The following RBKS variants were observed in gnomAD, a reference collection of about 807,000 sequenced individuals.
RBKS encodes the protein ribokinase.
Under a neutral mutation model 33.9 loss-of-function variants are expected in RBKS, and 33 were observed. The observed-to-expected ratio is 0.97, with a 90% CI of 0.74 to 1.30. The LOEUF (loss-of-function observed/expected upper bound fraction) is 1.30, where lower values mean the gene tolerates loss of function less well. RBKS is among the 50% of genes most tolerant of loss of function. The pLI, the probability that RBKS is intolerant of heterozygous loss-of-function variation, is 0.00. For missense variants in RBKS, 361 were observed against 392.6 expected, an observed-to-expected ratio of 0.92 and a Z score of 0.68; for synonymous variants, 125 against 143.0, an observed-to-expected ratio of 0.87 and a Z score of 0.90.
At chr2:27,806,651 T>C (rs1303958886) in intron 7 of RBKS, among the ~76,000 whole-genome samples, 2 of 152,248 alleles carry the variant, frequency 1.3e-5, no homozygotes, top group Non-Finnish European at 2.9e-5. Context: ...GGGGAGGCCA[T>C]AAATGTATTC....
chr2:27,818,051 A>G (rs566608968), intron 7 of RBKS, among the ~76,000 whole-genome samples: 17 of 152,188 alleles, frequency 1.1e-4, no homozygotes, highest in Non-Finnish European at 2.2e-4. Context: ...ATCATGGTGC[A>G]TTATACTAAT....
At chr2:27,882,112 G>T (rs931719169) in intron 1 of RBKS, among the ~76,000 whole-genome samples, 1 of 151,952 alleles carries the variant, frequency 6.6e-6, no homozygotes, top group Non-Finnish European at 1.5e-5. Context: ...TACAGTAAAA[G>T]AAACTATTGA....
Position 27,867,336 on chromosome 2 carries a change from GAT to G in RBKS, c.90-8767_90-8766del, listed in dbSNP as rs1223241916. ...TATATTATAGAAAGTTGAGAAGACA[GAT>G]GCCTAGGTACATAATAAATAATACA... is the stretch of plus-strand genomic sequence containing the variant. On this transcript the variant is annotated intron_variant, in intron 1 of 7. Transcript: ENST00000302188. Among the ~76,000 whole-genome samples, 3 of 152,222 alleles carry G rather than the reference GAT, an allele frequency of 2.0e-5. No homozygotes were observed. In the South Asian group the frequency reaches 6.2e-4, roughly 32 times the overall value.
chr2:27,861,673 G>GGGGC, intron 1 of RBKS: 1 of 412,558 alleles, frequency 2.4e-6, no homozygotes, highest in Non-Finnish European at 5.0e-6. Flanking sequence ...TGGGGGGGGG[G>GGGGC]TGGAGTCTCA....
intron 7 of RBKS, among the ~76,000 whole-genome samples, chr2:27,794,502 G>A (rs550393309): frequency 1.4e-4 from 22 of 151,762 alleles, no homozygotes; most frequent in African/African-American, 5.3e-4. Flanking sequence ...CTGAAGTGAA[G>A]CTCTTTCCCA....
intron 7 of RBKS, among the ~76,000 whole-genome samples, chr2:27,792,327 T>C (rs1208734666): frequency 6.6e-6 from 1 of 152,226 alleles, no homozygotes; most frequent in African/African-American, 2.4e-5. Flanking sequence ...TTAATGTAAA[T>C]TCTCTGTGAC....
chr2:27,798,586 C>T (rs79734951), intron 7 of RBKS, among the ~76,000 whole-genome samples: 1,567 of 152,272 alleles, frequency 0.01, 21 homozygotes, highest in African/African-American at 0.036. Flanking sequence ...GTCACATTAA[C>T]TTCCAAGCCA....
chr2:27,852,150 G>A (rs748390344), intron 2 of RBKS, among the ~76,000 whole-genome samples: 1 of 152,180 alleles, frequency 6.6e-6, no homozygotes, highest in Non-Finnish European at 1.5e-5. Flanking sequence ...GTTCCGCCCT[G>A]AATATTGTAG....
At chr2:27,864,446 A>G (rs1664047636) in intron 1 of RBKS, among the ~76,000 whole-genome samples, 1 of 152,188 alleles carries the variant, frequency 6.6e-6, no homozygotes, top group Non-Finnish European at 1.5e-5. Flanking sequence ...CATATCCTTG[A>G]GCCCTATTTA....
intron 7 of RBKS, among the ~76,000 whole-genome samples, chr2:27,812,478 A>G (rs369064562): frequency 6.6e-6 from 1 of 152,228 alleles, no homozygotes; most frequent in African/African-American, 2.4e-5. Flanking sequence ...ATCAATGATA[A>G]ACTGGATTAA....
At chr2:27,820,826 C>T (rs1415602900) in intron 7 of RBKS, among the ~76,000 whole-genome samples, 1 of 152,094 alleles carries the variant, frequency 6.6e-6, no homozygotes, top group Non-Finnish European at 1.5e-5. Context: ...GGTGGATCAT[C>T]TGAGGTCAGT....
chr2:27,816,927 C>A (rs1678107185), intron 7 of RBKS, among the ~76,000 whole-genome samples: 2 of 152,152 alleles, frequency 1.3e-5, no homozygotes. Context: ...GAAAACTGGG[C>A]AATTATTCTG....
At chr2:27,861,872 C>T (rs992598925) in intron 1 of RBKS, among the ~76,000 whole-genome samples, 7 of 150,632 alleles carry the variant, frequency 4.6e-5, no homozygotes, top group African/African-American at 1.2e-4. Context: ...CCAAGCTGGT[C>T]TTGAACTCCT....
intron 7 of RBKS, among the ~76,000 whole-genome samples, chr2:27,816,749 C>T (rs1036584309): frequency 1.5e-4 from 23 of 152,138 alleles, no homozygotes; most frequent in Non-Finnish European, 2.1e-4. Context: ...AGGTGCCTGC[C>T]ACCACGCCCA....
chr2:27,827,468 G>A (rs1232056093), intron 7 of RBKS, 99 bp downstream of exon 7: 5 of 1,047,128 alleles, frequency 4.8e-6, no homozygotes, highest in Non-Finnish European at 6.8e-6. Flanking sequence ...ACTTACTAGG[G>A]CTTTGTTTCA....
chr2:27,847,679 C>T (rs186008556), intron 3 of RBKS, among the ~76,000 whole-genome samples: 3 of 152,326 alleles, frequency 2.0e-5, no homozygotes, highest in Admixed American at 6.5e-5. Flanking sequence ...CTCTGACCTT[C>T]GGTTTTCTCT....
intron 1 of RBKS, among the ~76,000 whole-genome samples, chr2:27,883,167 A>C (rs1366844930): frequency 7.2e-5 from 11 of 152,120 alleles, no homozygotes; most frequent in African/African-American, 2.7e-4. Context: ...AAGACAAGAC[A>C]AGCAGTAACC....
intron 1 of RBKS, among the ~76,000 whole-genome samples, chr2:27,862,505 A>G (rs1664011697): frequency 6.6e-6 from 1 of 152,156 alleles, no homozygotes; most frequent in Admixed American, 6.5e-5. Context: ...CTTGGTGGGC[A>G]CCAGCTGGCT....
At chr2:27,811,898 A>G (rs1253719894) in intron 7 of RBKS, among the ~76,000 whole-genome samples, 1 of 152,158 alleles carries the variant, frequency 6.6e-6, no homozygotes, top group Non-Finnish European at 1.5e-5. Context: ...TCCTACAGAA[A>G]AGATGAACCA....
Sources: allele counts gnomAD v4.1 joint callset (sites outside exome capture counted in the v4.1 genomes callset), GRCh38; gene constraint gnomAD v4.1.1; transcripts MANE v1.5; gene names NCBI Gene and HGNC (gene_info 2026-07-23, HGNC 2026-07-21).